Variants in RSF1 observed in about 807,000 individuals in gnomAD.
RSF1 encodes HBV pX-associated protein 8.
RSF1 carries 13 observed loss-of-function variants against 145.2 expected under a neutral mutation model. That is an observed-to-expected ratio of 0.09 (90% CI 0.06 to 0.14). The LOEUF is 0.14. RSF1 is among the 10% of genes least tolerant of loss of function. RSF1 has a pLI of 1.00. For synonymous variants in RSF1, 577 were observed against 592.6 expected (o/e 0.97, Z 0.38); for missense variants, 1,517 against 1,718.2 (o/e 0.88, Z 2.07).
chr11:77,842,409 A>G, the RSF1 span: 2 of 1,403,108 alleles, frequency 1.4e-6, no homozygotes, highest in Non-Finnish European at 2.0e-6. Context: ...AGGGCTTAGT[A>G]TCACTGTATT....
At chr11:77,671,155 ATATATATATATATATATATATATT>A (rs1959531084) in intron 15 of RSF1, among the ~76,000 whole-genome samples, 2 of 70,774 alleles carry the variant, frequency 2.8e-5, no homozygotes, top group African/African-American at 8.3e-5. Context: ...ATATATATAT[ATATATATATATATATATATATATT>A]TATATGTATA....
At chr11:77,790,216 T>C (rs10793263) in intron 1 of RSF1, among the ~76,000 whole-genome samples, 37,526 of 152,118 alleles carry the variant, frequency 0.25, 5,240 homozygotes, top group South Asian at 0.47. Flanking sequence ...ACAATCATGG[T>C]AGAAGGCAAG....
chr11:77,774,399 G>C (rs565851057), intron 1 of RSF1, among the ~76,000 whole-genome samples: 2 of 150,484 alleles, frequency 1.3e-5, no homozygotes, highest in Non-Finnish European at 3.0e-5. Context: ...TCAGGAGTTC[G>C]AGACCAGCTA....
intron 3 of RSF1, 78 bp downstream of exon 3, chr11:77,746,958 G>T: frequency 3.6e-6 from 3 of 837,830 alleles, no homozygotes; most frequent in African/African-American, 1.7e-5. Context: ...TCTACTTTTT[G>T]TTTATTTTCC....
chr11:77,775,119 G>C lies in RSF1; in HGVS notation c.188-10430C>G, dbSNP rs1451701510. 2.0e-5 allele frequency among the ~76,000 whole-genome samples: 3 copies of C among 151,466 alleles called. No homozygotes were observed. In the East Asian group the frequency reaches 5.9e-4, roughly 30 times the overall value. ...AAAAACTAGCTGGGCATGGTCGTGGGCACCTGTAATCCCAGCTACTCAGGA... is the reference window on the plus strand; with the variant it reads ...AAAAACTAGCTGGGCATGGTCGTGGCCACCTGTAATCCCAGCTACTCAGGA... On this transcript the variant is annotated intron_variant, in intron 1 of 15. Transcript: ENST00000308488.
intron 1 of RSF1, among the ~76,000 whole-genome samples, chr11:77,768,075 T>G (rs538453355): frequency 1.3e-5 from 2 of 151,416 alleles, no homozygotes; most frequent in East Asian, 3.9e-4. Context: ...TAAAATATTA[T>G]AAAAAGTAAA....
At chr11:77,746,323 A>G (rs1349328779) in intron 3 of RSF1, among the ~76,000 whole-genome samples, 2 of 152,090 alleles carry the variant, frequency 1.3e-5, no homozygotes, top group South Asian at 2.1e-4. Flanking sequence ...ACAGCAATCA[A>G]CATCTAACAG....
rs1565151926 is a variant in RSF1 at position 77,698,602 on chromosome 11, C to T, written c.2600G>A (p.Ser867Asn). Residue 867 changes from serine to asparagine, a missense_variant, in exon 7 of 16, where the codon AGT (serine) becomes AAT (asparagine). Around this residue, in one of 12 missense-constraint regions of RSF1, gnomAD observed 579 missense variants for 553.5 expected, o/e 1.05. Coordinates refer to ENST00000308488, the MANE Select transcript of RSF1 (RefSeq NM_016578.4). ...SSNDESEGSG[S>N]EKSSAASEEE... ...TTCTGAAGCTGCAGATGATTTTTCA[C>T]TGCCAGACCCTTCACTTTCATCATT... 1 of 1,614,178 alleles carries T rather than the reference C, an allele frequency of 6.2e-7. No individual in the cohort carries two copies. The highest frequency in any genetic ancestry group is 8.5e-7 in the Non-Finnish European group (1 of 1,180,026).
chr11:77,760,053 T>C (rs1013290603), intron 2 of RSF1, among the ~76,000 whole-genome samples: 3 of 152,166 alleles, frequency 2.0e-5, no homozygotes, highest in Admixed American at 6.5e-5. Flanking sequence ...AATTACCATA[T>C]GACCTAACAA....
chr11:77,676,535 A>C (rs191763564), intron 13 of RSF1, among the ~76,000 whole-genome samples: 2 of 152,356 alleles, frequency 1.3e-5, no homozygotes, highest in South Asian at 4.1e-4. Flanking sequence ...TCAACAAATG[A>C]AAGTTTAATT....
intron 4 of RSF1, among the ~76,000 whole-genome samples, chr11:77,732,102 C>T (rs768122893): frequency 1.8e-4 from 28 of 152,158 alleles, no homozygotes; most frequent in African/African-American, 5.8e-4. Flanking sequence ...TGTACAGGGG[C>T]GCAGCTGCCC....
At chr11:77,804,058 A>G (rs1235299600) in intron 1 of RSF1, among the ~76,000 whole-genome samples, 1 of 152,170 alleles carries the variant, frequency 6.6e-6, no homozygotes, top group Non-Finnish European at 1.5e-5. Context: ...CAACAGAGCA[A>G]CACCCTGCCT....
chr11:77,687,196 T>TA (rs950826297), intron 9 of RSF1, among the ~76,000 whole-genome samples: 3 of 152,214 alleles, frequency 2.0e-5, no homozygotes, highest in African/African-American at 7.2e-5. Flanking sequence ...CACATACTTG[T>TA]ATTCTAGGAA....
At chr11:77,838,211 A>T in the RSF1 span, among the ~76,000 whole-genome samples, 1 of 121,656 alleles carries the variant, frequency 8.2e-6, no homozygotes, top group Admixed American at 8.3e-5. Context: ...AATTGACAAG[A>T]TGTAGACTGT....
intron 9 of RSF1, among the ~76,000 whole-genome samples, chr11:77,685,675 AAT>A (rs1172409652): frequency 6.6e-6 from 1 of 152,208 alleles, no homozygotes; most frequent in African/African-American, 2.4e-5. Flanking sequence ...TTAAGATAAC[AAT>A]ATCTTTCAGA....
At position 77,740,652 on chromosome 11, in the gene RSF1, T is replaced by G. The variant is rs547230540; in HGVS notation, c.578+79A>C. On this transcript the variant is annotated intron_variant, in intron 4 of 15. Transcript: ENST00000308488. ...CACACAAAAAACCACTTCTGTCTGA[T>G]AGATAACATCCTAGTTTTGAAACGA... 1.4e-5 allele frequency: 19 copies of G among 1,351,976 alleles called. No homozygotes were observed. The African/African-American group carries it at 2.7e-4, about 19-fold the overall frequency. The allele number at this position is 1,351,976 out of a possible 1,614,324, so 83.7% of individuals were successfully genotyped here. A position where few individuals can be genotyped will look rare whatever the true frequency, so the allele number is the denominator to read the frequency against.
chr11:77,664,528 C>G lies in RSF1; in HGVS notation c.*2389G>C, dbSNP rs1959314415. The G allele has an allele frequency of 6.6e-6, 1 of 152,194 alleles. No homozygotes were observed. The highest frequency in any genetic ancestry group is 2.1e-4 in the South Asian group (1 of 4,830). 9.4% of individuals were successfully genotyped at this position (152,194 alleles called of 1,614,324 possible). On this transcript the variant is annotated 3_prime_UTR_variant, in exon 16 of 16. Transcript: ENST00000308488. ...AAAATTATCTACCCATTTAATACTA[C>G]TTCTGATCACTTGGCTTAACTGAGG...
rs1192579225 is a variant in RSF1 at position 77,666,417 on chromosome 11, T to C, written c.*500A>G. ...ATGATGTTATCTACAATTCTCAAAC[T>C]GTAACAGTACAGACTTGAACTTTTA... is the stretch of plus-strand genomic sequence containing the variant. On this transcript the variant is annotated 3_prime_UTR_variant, in exon 16 of 16. Transcript: ENST00000308488. The C allele has an allele frequency of 6.6e-6, 1 of 152,602 alleles. No individual in the cohort carries two copies. Among genetic ancestry groups the C allele is most frequent in the Non-Finnish European group, 1.5e-5 (1 of 68,040 alleles). 9.5% of individuals were successfully genotyped at this position (152,602 alleles called of 1,614,324 possible).
At chr11:77,750,855 T>C (rs1014537618) in intron 2 of RSF1, among the ~76,000 whole-genome samples, 1 of 152,216 alleles carries the variant, frequency 6.6e-6, no homozygotes, top group African/African-American at 2.4e-5. Flanking sequence ...TTTGTTTGAT[T>C]ATCTATAAAT....
Sources: allele counts gnomAD v4.1 joint callset (sites outside exome capture counted in the v4.1 genomes callset), GRCh38; gene constraint gnomAD v4.1.1; regional missense constraint gnomAD v4.1.1; transcripts MANE v1.5; gene names NCBI Gene and HGNC (gene_info 2026-07-23, HGNC 2026-07-21).